TRPM1: variants seen among roughly 807,000 people sequenced by gnomAD.
TRPM1 encodes the protein transient receptor potential cation channel subfamily M member 1.
In TRPM1, 113 loss-of-function variants were observed where a neutral mutation model predicts 149.4. That is an observed-to-expected ratio of 0.76 (90% CI 0.65 to 0.88). The LOEUF (loss-of-function observed/expected upper bound fraction) is 0.88. TRPM1 is among the 40% of genes least tolerant of loss of function. The pLI is 0.00. For synonymous variants in TRPM1, 741 were observed against 759.5 expected (o/e 0.98, Z 0.40); for missense variants, 1,976 against 2,038.7 (o/e 0.97, Z 0.59).
intron 1 of TRPM1, among the ~76,000 whole-genome samples, chr15:31,126,613 A>G (rs374123466): frequency 6.6e-6 from 1 of 150,712 alleles, no homozygotes; most frequent in Non-Finnish European, 1.5e-5. Flanking sequence ...GTGAGTTGCC[A>G]GAAGATTTTT....
intron 22 of TRPM1, 97 bp downstream of exon 22, chr15:31,032,592 A>G: frequency 6.7e-7 from 1 of 1,483,850 alleles, no homozygotes; most frequent in Non-Finnish European, 9.4e-7. Context: ...CAAAAGAAAA[A>G]CCAAATGAAA....
intron 27 of TRPM1, among the ~76,000 whole-genome samples, chr15:31,024,084 C>G (rs944758757): frequency 6.6e-6 from 1 of 151,832 alleles, no homozygotes; most frequent in African/African-American, 2.4e-5. Flanking sequence ...TGAAAGCTAC[C>G]AAGACAACAG....
intron 1 of TRPM1, among the ~76,000 whole-genome samples, chr15:31,140,945 C>T (rs1209474759): frequency 6.6e-6 from 1 of 152,030 alleles, no homozygotes; most frequent in African/African-American, 2.4e-5. Context: ...CCTCAGCTTG[C>T]CAAGTAGCTT....
At chr15:31,097,975 A>G (rs2035428057) in intron 1 of TRPM1, among the ~76,000 whole-genome samples, 1 of 152,262 alleles carries the variant, frequency 6.6e-6, no homozygotes, top group Non-Finnish European at 1.5e-5. Context: ...GGTATTGACT[A>G]CATGTTGAAA....
chr15:31,112,725 C>T (rs1032462094), intron 1 of TRPM1, among the ~76,000 whole-genome samples: 5 of 152,230 alleles, frequency 3.3e-5, no homozygotes, highest in African/African-American at 1.2e-4. Context: ...AGAGCTCAGG[C>T]ATTCTCAACA....
chr15:31,026,044 C>T (rs1334519624), intron 27 of TRPM1, 95 bp downstream of exon 27: 5 of 1,533,568 alleles, frequency 3.3e-6, no homozygotes, highest in Admixed American at 3.3e-5. Flanking sequence ...ACTCGGAGTG[C>T]ATGTTTAAAT....
At chr15:31,160,899 C>T (rs2036435936) in intron 1 of TRPM1, 1 of 1,535,520 alleles carries the variant, frequency 6.5e-7, no homozygotes, top group African/African-American at 1.4e-5. Flanking sequence ...TGGCAAAGCT[C>T]ACTCACCTTC....
rs768760429 is a variant in TRPM1, at chr15:31,037,711, T to C, written c.2571A>G (p.Thr857=). 3 of 1,614,264 alleles carry C rather than the reference T, an allele frequency of 1.9e-6. No individual in the cohort carries two copies. The highest frequency in any genetic ancestry group is 1.1e-5 in the South Asian group (1 of 91,088). Residue 857 remains threonine (T), a splice_region_variant and synonymous_variant, in exon 20 of 28, where the codon ACA becomes ACG. Coordinates refer to ENST00000256552, the MANE Select transcript of TRPM1 (RefSeq NM_001252024.2). ...NAPIVKFWFY[T]ISYLGYLLLF... ...TCAAATGTTCAGGAGGAGGCCTCAC[T>C]GTGTAAAACCAGAACTTGACAATGG... is the stretch of plus-strand genomic sequence containing the variant.
At chr15:31,142,991 G>T (rs2036179275) in intron 1 of TRPM1, among the ~76,000 whole-genome samples, 1 of 152,166 alleles carries the variant, frequency 6.6e-6, no homozygotes, top group Non-Finnish European at 1.5e-5. Context: ...AAATTTTCCT[G>T]TCAATTGCAT....
intron 1 of TRPM1, among the ~76,000 whole-genome samples, chr15:31,116,354 T>C (rs1282374531): frequency 6.6e-6 from 1 of 152,088 alleles, no homozygotes; most frequent in Admixed American, 6.6e-5. Flanking sequence ...ATGCCTGCAG[T>C]CCCAGCACTT....
At chr15:31,157,987 G>A (rs2036399045) in intron 1 of TRPM1, among the ~76,000 whole-genome samples, 1 of 152,046 alleles carries the variant, frequency 6.6e-6, no homozygotes, top group Non-Finnish European at 1.5e-5. Context: ...GTCAATGAAG[G>A]GCCTAGTGTG....
rs1306477248 is a variant in TRPM1, at chr15:31,047,878, A to G, written c.1623+11T>C. On this transcript the variant is annotated intron_variant, in intron 14 of 27. Transcript: ENST00000256552. ...TGCCAACAGGTAAGAATTGTAAAAC[A>G]GTAGACTGACCTTTTTCACATCCCT... 1 of 1,610,074 alleles carries G rather than the reference A, an allele frequency of 6.2e-7. No individual in the cohort carries two copies. Among genetic ancestry groups the G allele is most frequent in the East Asian group, 2.2e-5 (1 of 44,870 alleles).
rs1456666286 is a variant in TRPM1 at position 31,027,089 on chromosome 15, A to T, written c.3322T>A (p.Ser1108Thr). The T allele has an allele frequency of 6.2e-7, 1 of 1,614,146 alleles. No homozygotes were observed. Among genetic ancestry groups the T allele is most frequent in the East Asian group, 2.2e-5 (1 of 44,892 alleles). ...NNTFFEVKSI[S>T]NQVWKFQRYQ... is the part of the protein sequence containing the mutation. ...CGCTGGAACTTCCACACCTGGTTGG[A>T]TATTGATTTTACTTCAAAGAAGGTA... The change falls in exon 26 of 28, where the codon TCC becomes ACC. Residue 1108 changes from serine (S) to threonine (T), a missense_variant. This residue lies in a region of TRPM1 where 72 missense variants were observed against 112.7 expected (regional missense o/e 0.64). Coordinates refer to ENST00000256552, the MANE Select transcript of TRPM1 (RefSeq NM_001252024.2).
chr15:31,069,054 A>G (rs2034458918), intron 4 of TRPM1, among the ~76,000 whole-genome samples: 2 of 152,240 alleles, frequency 1.3e-5, no homozygotes, highest in South Asian at 4.1e-4. Flanking sequence ...ATTAAATGCA[A>G]TAAATCATGC....
Position 31,069,302 on chromosome 15 carries a change from T to C in TRPM1, c.279+729A>G, listed in dbSNP as rs11857270. 4,963 of 550,838 alleles carry C rather than the reference T, an allele frequency of 9.0e-3. 226 individuals are homozygous for C. The African/African-American group carries it at 0.094, about 10-fold the overall frequency. The allele number at this position is 550,838 out of a possible 1,614,324, so 34.1% of individuals were successfully genotyped here. ...TTCAAAGTGAGGAGGAGGCTAATAA[T>C]GCTCAGATGCCTTGTCTCCTATAAA... On this transcript the variant is annotated intron_variant, in intron 4 of 27. Transcript: ENST00000256552.
chr15:31,114,175 C>G (rs1292028159), intron 1 of TRPM1, among the ~76,000 whole-genome samples: 3 of 152,210 alleles, frequency 2.0e-5, no homozygotes, highest in African/African-American at 7.2e-5. Flanking sequence ...CTCCCACTGT[C>G]CATCCTCCAA....
chr15:31,062,632 G>A lies in TRPM1; in HGVS notation c.1036C>T (p.Gln346Ter). 6.2e-7 allele frequency: 1 copy of A among 1,614,068 alleles called. No individual in the cohort carries two copies. The highest frequency in any genetic ancestry group is 8.5e-7 in the Non-Finnish European group (1 of 1,179,938). The change falls in exon 9 of 28, where the codon CAA becomes TAA. Residue 346 changes from glutamine (Q) to a stop codon, truncating the protein, a stop_gained. Coordinates refer to ENST00000256552, the MANE Select transcript of TRPM1 (RefSeq NM_001252024.2). LOFTEE classifies it high-confidence loss of function. ...IQKTFNYNKA[Q>*]SHQLFAIIME... is the part of the protein sequence containing the mutation. ...ATAATTGCAAACAGCTGATGTGATTGTGCCTTATTATAATTAAATGTTTTC... is the reference window on the plus strand; with the variant it reads ...ATAATTGCAAACAGCTGATGTGATTATGCCTTATTATAATTAAATGTTTTC...
chr15:31,079,508 G>T (rs1190583556), intron 2 of TRPM1, among the ~76,000 whole-genome samples: 3 of 152,246 alleles, frequency 2.0e-5, no homozygotes, highest in African/African-American at 4.8e-5. Flanking sequence ...ACCACCCTCT[G>T]AGTGCGCAAG....
chr15:31,119,194 T>C (rs2035843056), intron 1 of TRPM1, among the ~76,000 whole-genome samples: 1 of 151,900 alleles, frequency 6.6e-6, no homozygotes, highest in Non-Finnish European at 1.5e-5. Flanking sequence ...TGAGCCAAAA[T>C]CGCACCATCG....
Sources: gnomAD v4.1 joint callset for allele counts (sites outside exome capture counted in the v4.1 genomes callset) on GRCh38, gnomAD v4.1.1 for gene constraint, gnomAD v4.1.1 regional missense constraint, MANE v1.5 for transcripts, NCBI Gene and HGNC (gene_info 2026-07-23, HGNC 2026-07-21) for gene names.